The following SPDYE12 variants were observed in gnomAD, a reference collection of about 807,000 sequenced individuals.
SPDYE12 encodes the protein speedy/RINGO cell cycle regulator family member E12.
the SPDYE12 span, among the ~76,000 whole-genome samples, chr7:74,910,197 C>A: frequency 7.0e-6 from 1 of 142,062 alleles, no homozygotes; most frequent in Non-Finnish European, 1.5e-5. Context: ...CACAGCGAGA[C>A]CCTGTTTCTA....
At chr7:74,913,194 G>C in the SPDYE12 span, 1 of 1,560,030 alleles carries the variant, frequency 6.4e-7, no homozygotes, top group Non-Finnish European at 8.6e-7. Context: ...CCTGGAGGGG[G>C]TACCCTGAGG....
the SPDYE12 span, chr7:74,909,608 C>A: frequency 6.8e-7 from 1 of 1,472,116 alleles, no homozygotes; most frequent in Admixed American, 1.7e-5. Context: ...CCAGGAGATA[C>A]TGATGGAGAG....
chr7:74,907,431 A>T, the SPDYE12 span, among the ~76,000 whole-genome samples: 2 of 151,378 alleles, frequency 1.3e-5, no homozygotes, highest in African/African-American at 4.8e-5. Flanking sequence ...CCTCGTCTCT[A>T]TTAAAAATAT....
the SPDYE12 span, among the ~76,000 whole-genome samples, chr7:74,905,189 T>C: frequency 8.9e-6 from 1 of 112,030 alleles, no homozygotes; most frequent in Middle Eastern, 3.6e-3. Flanking sequence ...GAAAATTATC[T>C]TTAGGTATAT....
At chr7:74,904,863 AT>A in the SPDYE12 span, among the ~76,000 whole-genome samples, 3 of 149,340 alleles carry the variant, frequency 2.0e-5, no homozygotes, top group Non-Finnish European at 4.5e-5. Context: ...TTCTATACCC[AT>A]GTTTTTCAAA....
the SPDYE12 span, chr7:74,909,655 G>A: frequency 3.9e-6 from 6 of 1,544,246 alleles, no homozygotes; most frequent in Non-Finnish European, 4.5e-6. Flanking sequence ...CATCTTGGGA[G>A]AGGAAGATTG....
the SPDYE12 span, among the ~76,000 whole-genome samples, chr7:74,909,813 C>G: frequency 1.1e-4 from 17 of 149,528 alleles, 1 homozygote; most frequent in Admixed American, 3.4e-4. Flanking sequence ...GAAGGGTTTT[C>G]GGTGATGCTC....
the SPDYE12 span, among the ~76,000 whole-genome samples, chr7:74,909,987 C>T: frequency 0.033 from 4,905 of 150,802 alleles, 252 homozygotes; most frequent in African/African-American, 0.093. Context: ...GGGCTCAGAT[C>T]CCAAAGGACT....
the SPDYE12 span, among the ~76,000 whole-genome samples, chr7:74,908,538 T>G: frequency 2.4e-4 from 31 of 129,270 alleles, no homozygotes; most frequent in Middle Eastern, 3.5e-3. Context: ...TTGCGGTTGA[T>G]GTGGGAAGGA....
chr7:74,908,660 T>A, the SPDYE12 span, among the ~76,000 whole-genome samples: 1 of 87,142 alleles, frequency 1.1e-5, no homozygotes, highest in African/African-American at 4.3e-5. Context: ...TGTTTTTTGT[T>A]CTTTTTTTTT....
chr7:74,907,461 G>T, the SPDYE12 span, among the ~76,000 whole-genome samples: 1 of 151,416 alleles, frequency 6.6e-6, no homozygotes, highest in Non-Finnish European at 1.5e-5. Context: ...ACCAGACGCG[G>T]TGGCTCATGC....
At chr7:74,909,756 G>A in the SPDYE12 span, 3 of 726,592 alleles carry the variant, frequency 4.1e-6, no homozygotes, top group Non-Finnish European at 7.1e-6. Context: ...GGAAATTGCG[G>A]GGTGGAGGGG....
At chr7:74,909,028 G>T in the SPDYE12 span, among the ~76,000 whole-genome samples, 2 of 67,820 alleles carry the variant, frequency 2.9e-5, no homozygotes, top group African/African-American at 4.9e-5. Flanking sequence ...TGGTTTTTTT[G>T]CCTGGTTTTT....
chr7:74,908,532 G>A, the SPDYE12 span, among the ~76,000 whole-genome samples: 11 of 126,242 alleles, frequency 8.7e-5, no homozygotes, highest in Admixed American at 5.9e-4. Context: ...TGGCTTTTGC[G>A]GTTGATGTGG....
chr7:74,904,494 A>T, the SPDYE12 span, among the ~76,000 whole-genome samples: 1 of 151,246 alleles, frequency 6.6e-6, no homozygotes, highest in Admixed American at 6.6e-5. Flanking sequence ...TCAAATAAAA[A>T]TTTATTTTTA....
At chr7:74,907,976 A>G in the SPDYE12 span, among the ~76,000 whole-genome samples, 2 of 150,734 alleles carry the variant, frequency 1.3e-5, no homozygotes, top group East Asian at 3.9e-4. Context: ...TGCCTTCTAC[A>G]GGCATCTAGT....
At chr7:74,904,804 A>G in the SPDYE12 span, among the ~76,000 whole-genome samples, 1 of 149,280 alleles carries the variant, frequency 6.7e-6, no homozygotes. Flanking sequence ...ATTTAAATAA[A>G]TAAACATATT....
the SPDYE12 span, among the ~76,000 whole-genome samples, chr7:74,908,829 A>G: frequency 6.9e-6 from 1 of 145,628 alleles, no homozygotes; most frequent in African/African-American, 2.5e-5. Context: ...GCCCGCCACC[A>G]CACCCGGCTA....
chr7:74,908,832 C>T, the SPDYE12 span, among the ~76,000 whole-genome samples: 2 of 148,568 alleles, frequency 1.3e-5, no homozygotes, highest in Non-Finnish European at 3.0e-5. Flanking sequence ...CGCCACCACA[C>T]CCGGCTAATT....
Sources: gnomAD v4.1 joint callset for allele counts (sites outside exome capture counted in the v4.1 genomes callset) on GRCh38, gnomAD v4.1.1 for gene constraint, MANE v1.5 for transcripts, NCBI Gene and HGNC (gene_info 2026-07-23, HGNC 2026-07-21) for gene names.